Variants in WDR93 observed in about 807,000 individuals in gnomAD.
WDR93 encodes the protein WD repeat domain 93.
A neutral mutation model predicts 82.9 loss-of-function variants in WDR93; 73 were observed. That is an observed-to-expected ratio of 0.88 (90% CI 0.73 to 1.07). The LOEUF is 1.07. Ranked by LOEUF, WDR93 falls within the 50% of genes least tolerant of loss-of-function variation. WDR93 has a pLI of 0.00. For synonymous variants in WDR93, 283 were observed against 300.1 expected, an observed-to-expected ratio of 0.94 and a Z score of 0.59; for missense variants, 738 against 826.0, an observed-to-expected ratio of 0.89 and a Z score of 1.31.
chr15:89,719,931 C>T (rs1489037795), intron 7 of WDR93, among the ~76,000 whole-genome samples: 7 of 151,976 alleles, frequency 4.6e-5, no homozygotes, highest in African/African-American at 1.7e-4. Context: ...TCCCGAGTAG[C>T]TGGGATTACA....
At chr15:89,732,565 A>G (rs2141695184) in intron 12 of WDR93, among the ~76,000 whole-genome samples, 1 of 152,206 alleles carries the variant, frequency 6.6e-6, no homozygotes, top group South Asian at 2.1e-4. Flanking sequence ...GCCCTTGACC[A>G]AAATAGCTTG....
chr15:89,741,133 C>T (rs1334695788), intron 16 of WDR93, among the ~76,000 whole-genome samples: 2 of 144,412 alleles, frequency 1.4e-5, no homozygotes, highest in African/African-American at 5.4e-5. Flanking sequence ...GAGCAAGAAT[C>T]TGTCTCAAAA....
intron 8 of WDR93, among the ~76,000 whole-genome samples, chr15:89,724,937 T>A (rs1039600192): frequency 6.6e-6 from 1 of 152,206 alleles, no homozygotes; most frequent in African/African-American, 2.4e-5. Context: ...ATTTGTGTCC[T>A]ATGACACAGT....
chr15:89,735,275 T>G (rs923192971), intron 13 of WDR93, among the ~76,000 whole-genome samples: 2 of 152,200 alleles, frequency 1.3e-5, no homozygotes, highest in Non-Finnish European at 2.9e-5. Context: ...TTTATTTTCA[T>G]TACCATATTA....
chr15:89,693,300 A>G (rs1225939496), intron 1 of WDR93, among the ~76,000 whole-genome samples: 3 of 152,186 alleles, frequency 2.0e-5, no homozygotes, highest in Admixed American at 2.0e-4. Flanking sequence ...CAAAGTGGCT[A>G]TCCTATTTTG....
At chr15:89,730,830 G>A (rs563890214) in intron 11 of WDR93, among the ~76,000 whole-genome samples, 33 of 152,092 alleles carry the variant, frequency 2.2e-4, no homozygotes, top group Non-Finnish European at 4.0e-4. Context: ...AGGCTGCAGT[G>A]AGCCAAGGTT....
chr15:89,727,475 C>CAAAGTGTAGGGAT, intron 9 of WDR93, 147 bp downstream of exon 9: 4 of 942,422 alleles, frequency 4.2e-6, no homozygotes, highest in African/African-American at 1.7e-5. Context: ...TCTGTAATCC[C>CAAAGTGTAGGGAT]TACACTTTGG....
At chr15:89,690,454 T>G, upstream of WDR93, 1 of 687,168 alleles carries the variant, frequency 1.5e-6, no homozygotes. Context: ...CCGTAGGAGC[T>G]GGCAACGTCC....
chr15:89,709,539 G>A (rs138992034), intron 4 of WDR93, among the ~76,000 whole-genome samples: 1 of 151,498 alleles, frequency 6.6e-6, no homozygotes, highest in East Asian at 1.9e-4. Flanking sequence ...ATCCTTCAAA[G>A]TATTTGTATC....
At chr15:89,722,310 T>C (rs1966559935) in intron 8 of WDR93, among the ~76,000 whole-genome samples, 171 bp downstream of exon 8, 1 of 152,222 alleles carries the variant, frequency 6.6e-6, no homozygotes, top group African/African-American at 2.4e-5. Flanking sequence ...AAACAAAAAA[T>C]GTAAGTAATG....
chr15:89,729,671 C>T lies in WDR93; in HGVS notation c.1124-12C>T, dbSNP rs1480000833. The T allele has an allele frequency of 3.7e-6, 6 of 1,605,150 alleles. No individual in the cohort carries two copies. Among genetic ancestry groups the T allele is most frequent in the East Asian group, 2.2e-5 (1 of 44,724 alleles). On this transcript the variant is annotated splice_polypyrimidine_tract_variant and intron_variant, in intron 10 of 16. Coordinates refer to ENST00000268130, the MANE Select transcript of WDR93 (RefSeq NM_020212.2). ...ACACCCATTTTCTGTCTTTCCCCCG[C>T]CCCCCCACCAGGAATGGCCTGTGTC...
intron 13 of WDR93, among the ~76,000 whole-genome samples, chr15:89,733,843 C>T (rs961577579): frequency 6.6e-6 from 1 of 152,168 alleles, no homozygotes; most frequent in Non-Finnish European, 1.5e-5. Flanking sequence ...TTATAAGCAA[C>T]AGAAAATGGA....
intron 2 of WDR93, 140 bp downstream of exon 2, chr15:89,702,189 T>G: frequency 1.0e-6 from 1 of 964,064 alleles, no homozygotes; most frequent in Non-Finnish European, 1.5e-6. Context: ...AGAAGCATGC[T>G]GATGTTGATT....
chr15:89,740,594 C>G (rs990347233), intron 16 of WDR93, among the ~76,000 whole-genome samples: 7 of 152,264 alleles, frequency 4.6e-5, no homozygotes, highest in African/African-American at 1.4e-4. Context: ...CTCTGCCTCC[C>G]GGGTTCAAGC....
chr15:89,722,029 T>C (rs1274439570), intron 7 of WDR93, 26 bp from the exon 8 acceptor site: 4 of 1,457,466 alleles, frequency 2.7e-6, no homozygotes, highest in South Asian at 1.2e-5. Flanking sequence ...TCTTGGCTTA[T>C]TAACTATGCC....
chr15:89,727,760 T>G (rs911838413), intron 9 of WDR93, among the ~76,000 whole-genome samples: 52 of 152,346 alleles, frequency 3.4e-4, no homozygotes, highest in African/African-American at 1.2e-3. Context: ...AAATTTTTTT[T>G]TCTTTTTAAA....
At chr15:89,713,780 T>C (rs1384447046) in intron 5 of WDR93, among the ~76,000 whole-genome samples, 15 of 152,282 alleles carry the variant, frequency 9.9e-5, no homozygotes, top group Non-Finnish European at 2.1e-4. Context: ...GCGAAGGATA[T>C]GCATTGTATA....
chr15:89,731,072 G>C (rs1966854712), intron 11 of WDR93, among the ~76,000 whole-genome samples: 1 of 152,110 alleles, frequency 6.6e-6, no homozygotes, highest in Non-Finnish European at 1.5e-5. Flanking sequence ...TATACTGACT[G>C]TATGGCCTTG....
chr15:89,735,929 G>A (rs1381186892), intron 14 of WDR93, among the ~76,000 whole-genome samples: 3 of 152,210 alleles, frequency 2.0e-5, no homozygotes, highest in African/African-American at 7.2e-5. Context: ...GCAACACCAT[G>A]GAGGCAAGAG....
Sources: gnomAD v4.1 joint callset for allele counts (sites outside exome capture counted in the v4.1 genomes callset) on GRCh38, gnomAD v4.1.1 for gene constraint, MANE v1.5 for transcripts, NCBI Gene and HGNC (gene_info 2026-07-23, HGNC 2026-07-21) for gene names.